TMEM143: variants seen among roughly 807,000 people sequenced by gnomAD.
TMEM143 encodes transmembrane protein 143.
Under a neutral mutation model 40.3 loss-of-function variants are expected in TMEM143, and 45 were observed. That is an observed-to-expected ratio of 1.12 (90% CI 0.88 to 1.43). The LOEUF (loss-of-function observed/expected upper bound fraction) is 1.43. TMEM143 is among the 40% of genes most tolerant of loss of function. The probability of loss-of-function intolerance (pLI) is 0.00; values close to 1 mark genes in which losing one functional copy is unlikely to be tolerated. For missense variants in TMEM143, 620 were observed against 613.4 expected, an observed-to-expected ratio of 1.01 and a Z score of -0.11; for synonymous variants, 299 against 282.7, an observed-to-expected ratio of 1.06 and a Z score of -0.58.
Position 48,363,489 on chromosome 19 carries a change from C to T in TMEM143, c.66G>A (p.Gly22=), listed in dbSNP as rs1293147798. 1.9e-6 allele frequency: 3 copies of T among 1,613,776 alleles called. No individual in the cohort carries two copies. The highest frequency in any genetic ancestry group is 4.5e-5 in the East Asian group (2 of 44,886). ...KGLAMLHVTR[G]VWGSRVRVWP... is the part of the protein sequence containing the mutation. ...ATACTCGGACCCTGGACCCCCAGAC[C>T]CCCCGGGTCACATGCAGCATGGCTA... The change falls in exon 2 of 8, where the codon GGG becomes GGA. Residue 22 remains glycine (G), a synonymous_variant. Coordinates refer to ENST00000293261, the MANE Select transcript of TMEM143 (RefSeq NM_018273.4).
At position 48,342,569 on chromosome 19, in the gene TMEM143, C is replaced by T. The variant is rs138171230; in HGVS notation, c.936G>A (p.Leu312=). Residue 312 remains leucine (L), a synonymous_variant, in exon 6 of 8, where the codon CTG becomes CTA. Transcript: ENST00000293261. The part of the protein sequence containing the change: ...TDLKVATSLL[L]LLFAIFMGLR... ...GGCCCATGAAGATGGCGAAGAGCAG[C>T]AGCAGCAGGGAGGTGGCCACCTTGA... 4.7e-5 allele frequency: 75 copies of T among 1,612,456 alleles called. No homozygotes were observed. Among genetic ancestry groups the T allele is most frequent in the Non-Finnish European group, 6.1e-5 (72 of 1,179,748 alleles).
chr19:48,349,555 G>T (rs1288142147), intron 3 of TMEM143, among the ~76,000 whole-genome samples: 1 of 152,012 alleles, frequency 6.6e-6, no homozygotes, highest in Non-Finnish European at 1.5e-5. Context: ...TGAGGCATGG[G>T]AATCACTTGA....
At chr19:48,345,726 C>T (rs1261538129) in intron 3 of TMEM143, among the ~76,000 whole-genome samples, 1 of 151,960 alleles carries the variant, frequency 6.6e-6, no homozygotes, top group African/African-American at 2.4e-5. Flanking sequence ...CCGCCTCGGC[C>T]TCCCAAAGTG....
chr19:48,361,696 A>G (rs1381302890), intron 2 of TMEM143, among the ~76,000 whole-genome samples: 1 of 150,448 alleles, frequency 6.6e-6, no homozygotes, highest in African/African-American at 2.5e-5. Context: ...CGCCCGGCTA[A>G]TTTTTTGTAT....
intron 6 of TMEM143, among the ~76,000 whole-genome samples, chr19:48,337,243 A>G (rs753198642): frequency 4.0e-5 from 6 of 151,678 alleles, no homozygotes; most frequent in Non-Finnish European, 8.8e-5. Context: ...GGAAGTCAAT[A>G]CACGGTTAAT....
chr19:48,333,353 G>A lies in TMEM143; in HGVS notation c.1246C>T (p.Arg416Trp). The A allele has an allele frequency of 1.9e-6, 3 of 1,610,128 alleles. No individual in the cohort carries two copies. Among genetic ancestry groups the A allele is most frequent in the Non-Finnish European group, 2.5e-6 (3 of 1,177,226 alleles). Residue 416 changes from arginine (R) to tryptophan (W), a missense_variant, in exon 8 of 8, where the codon CGG becomes TGG. Physicochemically the swap from Arg to Trp is moderately radical, Grantham distance 101. Transcript: ENST00000293261. The surrounding 1 kb of genome is among the most constrained non-coding windows in gnomAD (Gnocchi z 4.1). The stretch of plus-strand genomic sequence containing the variant: ...AGGGCCTGCAGATGCGCCAGGGCCC[G>A]AGTTCCGTTGAAGGTCACCTCACAG... ...SGCEVTFNGT[R>W]ALAHLQALTP...
chr19:48,348,341 C>G (rs929572601), intron 3 of TMEM143, among the ~76,000 whole-genome samples: 1 of 152,056 alleles, frequency 6.6e-6, no homozygotes, highest in East Asian at 1.9e-4. Context: ...TAAATCCTGC[C>G]GATTCCACCT....
rs772686818 is a variant in TMEM143 at position 48,333,240 on chromosome 19, C to G, written c.1359G>C (p.Thr453=). Residue 453 remains threonine, a synonymous_variant, in exon 8 of 8, where the codon ACG becomes ACC. Coordinates refer to ENST00000293261, the MANE Select transcript of TMEM143 (RefSeq NM_018273.4). This position sits in a 1 kb window ranked among gnomAD's most constrained non-coding sequence, Gnocchi z 4.1. The stretch of plus-strand genomic sequence containing the variant: ...CTACTCAGGAGATGTTACTGCTGGG[C>G]GTGGCTTGCGGGGGCTCGGAAGTGA... ...APITSEPPQA[T]PSSNIS 6.7e-7 allele frequency: 1 copy of G among 1,487,956 alleles called. No individual in the cohort carries two copies. Among genetic ancestry groups the G allele is most frequent in the South Asian group, 1.3e-5 (1 of 74,854 alleles). 92.2% of individuals were successfully genotyped at this position (1,487,956 alleles called of 1,614,324 possible). A position where few individuals can be genotyped will look rare whatever the true frequency, so the allele number is the denominator to read the frequency against.
In TMEM143 at chr19:48,342,699, A is replaced by T; in HGVS notation, c.806T>A (p.Leu269Gln). 5 of 1,614,158 alleles carry T rather than the reference A, an allele frequency of 3.1e-6. No individual in the cohort carries two copies. The highest frequency in any genetic ancestry group is 4.2e-6 in the Non-Finnish European group (5 of 1,180,024). ...LEGLEQLLPE[L>Q]KVRTPTLQRA... ...CTGCAGGGTGGGCGTGCGCACCTTC[A>T]GCTCCGGCAGCAGCTGCTCCAGGCC... The change falls in exon 6 of 8, where the codon CTG becomes CAG. Residue 269 changes from leucine to glutamine, a missense_variant. Coordinates refer to ENST00000293261, the MANE Select transcript of TMEM143 (RefSeq NM_018273.4).
chr19:48,334,027 GC>G lies in TMEM143; in HGVS notation c.1145del (p.Gly382AlafsTer22), dbSNP rs1464595082. On this transcript the variant is annotated frameshift_variant, in exon 7 of 8. Transcript: ENST00000293261. LOFTEE classifies it low-confidence loss of function (END_TRUNC). The stretch of plus-strand genomic sequence containing the variant: ...TCCTACCTTCGGGCGAGCCTTGAGT[GC>G]CCCCTGGCCGCCGGGCCAGGAAGCT... ...AHSFLARRPG[G>X]TQGSPEETSR... 2.6e-6 allele frequency: 4 copies of G among 1,559,050 alleles called. No individual in the cohort carries two copies. The highest frequency in any genetic ancestry group is 1.9e-5 in the Admixed American group (1 of 53,490).
chr19:48,333,015 T>C lies in TMEM143; in HGVS notation c.*204A>G, dbSNP rs530142708. 3 of 405,932 alleles carry C rather than the reference T, an allele frequency of 7.4e-6. No homozygotes were observed. Among genetic ancestry groups the C allele is most frequent in the East Asian group, 7.2e-5 (2 of 27,650 alleles). The allele number at this position is 405,932 out of a possible 1,614,324, so 25.1% of individuals were successfully genotyped here. A position where few individuals can be genotyped will look rare whatever the true frequency, so the allele number is the denominator to read the frequency against. ...AGAGCTAAATCGCTTTGATTGGCTG[T>C]TCATCGAAGGGGCGGGGAAGACTTA... is the stretch of plus-strand genomic sequence containing the variant. On this transcript the variant is annotated 3_prime_UTR_variant, in exon 8 of 8. Transcript: ENST00000293261. The surrounding 1 kb of genome is among the most constrained non-coding windows in gnomAD (Gnocchi z 4.1).
At chr19:48,355,124 CTCATGGTTCAA>C (rs1969857529) in intron 3 of TMEM143, among the ~76,000 whole-genome samples, 1 of 151,838 alleles carries the variant, frequency 6.6e-6, no homozygotes, top group Non-Finnish European at 1.5e-5. Context: ...TCAAGTGATT[CTCATGGTTCAA>C]GTGATTCTCA....
At chr19:48,362,055 TGTGTGTGC>T (rs370647337) in intron 2 of TMEM143, among the ~76,000 whole-genome samples, 5 of 144,966 alleles carry the variant, frequency 3.4e-5, no homozygotes, top group African/African-American at 1.4e-4. Context: ...TGCATATATT[TGTGTGTGC>T]GTGTATTTGT....
In TMEM143 at chr19:48,333,575, G is replaced by A. The variant is rs1012110741; in HGVS notation, c.1166-142C>T. 6 of 580,026 alleles carry A rather than the reference G, an allele frequency of 1.0e-5. No individual in the cohort carries two copies. In the East Asian group the frequency reaches 1.2e-4, roughly 11 times the overall value. The allele number at this position is 580,026 out of a possible 1,614,324, so 35.9% of individuals were successfully genotyped here. Reference sequence around the variant, plus strand: ...AGGAGTGATCTTGAGGCTTGGAGGGGAGCGGAACAAGGCCCAGGAGGGTCG... The same window carrying A: ...AGGAGTGATCTTGAGGCTTGGAGGGAAGCGGAACAAGGCCCAGGAGGGTCG... On this transcript the variant is annotated intron_variant, in intron 7 of 7. Coordinates refer to ENST00000293261, the MANE Select transcript of TMEM143 (RefSeq NM_018273.4). This position sits in a 1 kb window ranked among gnomAD's most constrained non-coding sequence, Gnocchi z 4.1.
At chr19:48,358,016 C>A (rs1468781030) in intron 3 of TMEM143, among the ~76,000 whole-genome samples, 1 of 152,022 alleles carries the variant, frequency 6.6e-6, no homozygotes, top group African/African-American at 2.4e-5. Flanking sequence ...TCTCAGAATG[C>A]ACCACTACAG....
At chr19:48,362,063 C>T (rs950844523) in intron 2 of TMEM143, among the ~76,000 whole-genome samples, 6 of 149,046 alleles carry the variant, frequency 4.0e-5, no homozygotes, top group Admixed American at 6.6e-5. Flanking sequence ...TTTGTGTGTG[C>T]GTGTATTTGT....
intron 3 of TMEM143, among the ~76,000 whole-genome samples, chr19:48,346,803 C>G (rs1969645873): frequency 6.6e-6 from 1 of 152,110 alleles, no homozygotes; most frequent in Non-Finnish European, 1.5e-5. Context: ...GTCTCGAACT[C>G]CTGACCTCAA....
intron 3 of TMEM143, among the ~76,000 whole-genome samples, chr19:48,353,976 T>TTTTTTTAAAC (rs1384518133): frequency 6.6e-6 from 1 of 151,912 alleles, no homozygotes; most frequent in African/African-American, 2.4e-5. Context: ...CTTTTTTTTT[T>TTTTTTTAAAC]GAGACATAGT....
intron 3 of TMEM143, 96 bp from the exon 4 acceptor site, chr19:48,345,450 A>G (rs1171366516): frequency 3.5e-5 from 22 of 631,398 alleles, no homozygotes; most frequent in Non-Finnish European, 4.6e-5. Context: ...ACTTTCATTT[A>G]TTTATTTATT....
Sources: allele counts gnomAD v4.1 joint callset (sites outside exome capture counted in the v4.1 genomes callset), GRCh38; gene constraint gnomAD v4.1.1; non-coding constraint Gnocchi (gnomAD v3.1); transcripts MANE v1.5; gene names NCBI Gene and HGNC (gene_info 2026-07-23, HGNC 2026-07-21).